The following TNFSF8 variants were observed in gnomAD, a reference collection of about 807,000 sequenced individuals.
TNFSF8 encodes the protein tumor necrosis factor ligand superfamily member 8.
A neutral mutation model predicts 22.0 loss-of-function variants in TNFSF8; 4 were observed. The observed-to-expected ratio is 0.18, with a 90% CI of 0.09 to 0.42. The LOEUF is 0.42. Among genes scored for constraint, TNFSF8 ranks in the 10% least tolerant of loss-of-function variants. The probability of loss-of-function intolerance (pLI) is 1.00; values close to 1 mark genes in which losing one functional copy is unlikely to be tolerated. For synonymous variants in TNFSF8, 106 were observed against 112.5 expected (o/e 0.94, Z 0.37); for missense variants, 233 against 281.8 (o/e 0.83, Z 1.24).
At chr9:114,916,168 A>G (rs1044934991) in intron 2 of TNFSF8, among the ~76,000 whole-genome samples, 14 of 152,230 alleles carry the variant, frequency 9.2e-5, no homozygotes, top group African/African-American at 3.4e-4. Context: ...TATCAACTTC[A>G]TGTTGTAAAA....
downstream of TNFSF8, among the ~76,000 whole-genome samples, chr9:114,896,623 AAAAAT>A (rs1564365435): frequency 1.3e-5 from 2 of 152,204 alleles, no homozygotes; most frequent in African/African-American, 4.8e-5. Context: ...TGTGTCAATC[AAAAAT>A]AAAATAAAAC....
Position 114,903,896 on chromosome 9 carries a change from G to C in TNFSF8, c.*35C>G. ...GAGGGATGAAATACTGTATGGTAGA[G>C]AGGCGCTTTCTTCCTGAAGGCCAAG... On this transcript the variant is annotated 3_prime_UTR_variant, in exon 4 of 4. Transcript: ENST00000223795. 6.4e-7 allele frequency: 1 copy of C among 1,574,442 alleles called. No homozygotes were observed. Among genetic ancestry groups the C allele is most frequent in the Non-Finnish European group, 8.6e-7 (1 of 1,162,274 alleles).
intron 2 of TNFSF8, among the ~76,000 whole-genome samples, chr9:114,910,610 G>C (rs1827840980): frequency 1.3e-5 from 2 of 152,192 alleles, no homozygotes; most frequent in African/African-American, 4.8e-5. Flanking sequence ...GAGGTGCTGG[G>C]AAAACAAGCA....
chr9:114,901,167 A>G lies in TNFSF8; in HGVS notation c.*2764T>C. ...GAGTTCCCAGTTAGATAAATTATTT[A>G]TTTTACTTGCATAGATATCATTTTA... On this transcript the variant is annotated 3_prime_UTR_variant, in exon 4 of 4. Coordinates refer to ENST00000223795, the MANE Select transcript of TNFSF8 (RefSeq NM_001244.4). 1.0e-6 allele frequency: 1 copy of G among 985,130 alleles called. No homozygotes were observed. Among genetic ancestry groups the G allele is most frequent in the Non-Finnish European group, 1.2e-6 (1 of 829,790 alleles). 61.0% of individuals were successfully genotyped at this position (985,130 alleles called of 1,614,324 possible).
intron 1 of TNFSF8, among the ~76,000 whole-genome samples, chr9:114,924,806 G>T (rs1336539154): frequency 1.3e-5 from 2 of 152,186 alleles, no homozygotes; most frequent in African/African-American, 2.4e-5. Context: ...CAAGAACTTG[G>T]TGTTTGGGCT....
intron 1 of TNFSF8, among the ~76,000 whole-genome samples, chr9:114,929,895 T>A (rs920334698): frequency 6.8e-6 from 1 of 147,592 alleles, no homozygotes; most frequent in Non-Finnish European, 1.5e-5. Context: ...ATATATATAA[T>A]ATATACTGTA....
chr9:114,901,208 T>C lies in TNFSF8; in HGVS notation c.*2723A>G. On this transcript the variant is annotated 3_prime_UTR_variant, in exon 4 of 4. Transcript: ENST00000223795. ...TATCATTTTACTCATGGAGTATCATTTGCTCATAACATTCCCAGGGGCTGG... is the reference window on the plus strand; with the variant it reads ...TATCATTTTACTCATGGAGTATCATCTGCTCATAACATTCCCAGGGGCTGG... 1.0e-6 allele frequency: 1 copy of C among 985,450 alleles called. No homozygotes were observed. The highest frequency in any genetic ancestry group is 4.7e-5 in the South Asian group (1 of 21,292). 61.0% of individuals were successfully genotyped at this position (985,450 alleles called of 1,614,324 possible).
Position 114,902,765 on chromosome 9 carries a change from G to A in TNFSF8, c.*1166C>T. The A allele has an allele frequency of 1.0e-6, 1 of 985,446 alleles. No individual in the cohort carries two copies. The highest frequency in any genetic ancestry group is 1.2e-6 in the Non-Finnish European group (1 of 829,920). 61.0% of individuals were successfully genotyped at this position (985,446 alleles called of 1,614,324 possible). On this transcript the variant is annotated 3_prime_UTR_variant, in exon 4 of 4. Coordinates refer to ENST00000223795, the MANE Select transcript of TNFSF8 (RefSeq NM_001244.4). Reference sequence around the variant, plus strand: ...CAGGGTCTGGTCTTCTGAGATGGAAGAGGTTTTGAAGCAATTCAAACCCAG... The same window carrying A: ...CAGGGTCTGGTCTTCTGAGATGGAAAAGGTTTTGAAGCAATTCAAACCCAG...
At chr9:114,920,530 T>C (rs1387766064) in intron 1 of TNFSF8, among the ~76,000 whole-genome samples, 1 of 152,214 alleles carries the variant, frequency 6.6e-6, no homozygotes, top group Non-Finnish European at 1.5e-5. Context: ...GAATTGCAGG[T>C]TGTGGCAAGA....
exon 5 of TNFSF8, chr9:114,893,937 G>C (rs1827630606): frequency 7.4e-6 from 5 of 676,132 alleles, no homozygotes; most frequent in Non-Finnish European, 1.3e-5. Context: ...AGATGATTCT[G>C]TTTGTGGGGG....
In TNFSF8 at chr9:114,903,865, T is replaced by C; in HGVS notation, c.*66A>G. 1.3e-6 allele frequency: 2 copies of C among 1,525,912 alleles called. No individual in the cohort carries two copies. Among genetic ancestry groups the C allele is most frequent in the South Asian group, 1.3e-5 (1 of 74,774 alleles). The allele number at this position is 1,525,912 out of a possible 1,614,324, so 94.5% of individuals were successfully genotyped here. ...GTCTAAAGTTTTCTTTTTGCCCAAG[T>C]GTTTGGAGGGATGAAATACTGTATG... is the stretch of plus-strand genomic sequence containing the variant. On this transcript the variant is annotated 3_prime_UTR_variant, in exon 4 of 4. Transcript: ENST00000223795.
chr9:114,905,865 T>A lies in TNFSF8; in HGVS notation c.273A>T (p.Lys91Asn), dbSNP rs762878174. The change falls in exon 3 of 4, where the codon AAA (lysine) becomes AAT (asparagine). Residue 91 changes from lysine (K) to asparagine (N), a missense_variant. Transcript: ENST00000223795. ...NCSEDLLCIL[K>N]RAPFKKSWAY... ...CCCATGACTTCTTGAATGGAGCCCT[T>A]TTCAGGATACATAAGAGGTCTTCTG... 6.2e-7 allele frequency: 1 copy of A among 1,612,738 alleles called. No homozygotes were observed.
In TNFSF8 at chr9:114,904,180, T is replaced by C; in HGVS notation, c.456A>G (p.Pro152=). The change falls in exon 4 of 4, where the codon CCA becomes CCG. Residue 152 remains proline, a synonymous_variant. Coordinates refer to ENST00000223795, the MANE Select transcript of TNFSF8 (RefSeq NM_001244.4). ...CCAACTTCAGATCGACAGAATTATTTGGGCATTGTACAAGAAACTGCAGTT... is the reference window on the plus strand; with the variant it reads ...CCAACTTCAGATCGACAGAATTATTCGGGCATTGTACAAGAAACTGCAGTT... ...ICQLQFLVQC[P]NNSVDLKLEL... is the part of the protein sequence containing the mutation. 6.2e-7 allele frequency: 1 copy of C among 1,614,126 alleles called. No homozygotes were observed. Among genetic ancestry groups the C allele is most frequent in the Middle Eastern group, 1.7e-4 (1 of 6,054 alleles).
intron 1 of TNFSF8, 132 bp downstream of exon 1, chr9:114,929,977 T>TAGAGAG (rs68180247): frequency 5.2e-4 from 169 of 324,416 alleles, no homozygotes; most frequent in Middle Eastern, 1.8e-3. Context: ...TATATATATA[T>TAGAGAG]AGAGAGAGAG....
At chr9:114,920,396 G>A (rs1476494537) in intron 1 of TNFSF8, among the ~76,000 whole-genome samples, 2 of 152,210 alleles carry the variant, frequency 1.3e-5, no homozygotes, top group Non-Finnish European at 2.9e-5. Context: ...CATTCATGCA[G>A]CACACCTTGA....
Position 114,912,636 on chromosome 9 carries a change from G to A in TNFSF8, c.238+5460C>T, listed in dbSNP as rs115544161. On this transcript the variant is annotated intron_variant, in intron 2 of 3. Transcript: ENST00000223795. ...GATCTCTTGACCTTGTGATCCACCCGCCTCAGCCTCCCAAAGTGCACGTTG... is the reference window on the plus strand; with the variant it reads ...GATCTCTTGACCTTGTGATCCACCCACCTCAGCCTCCCAAAGTGCACGTTG... Among the ~76,000 whole-genome samples, 325 of 152,310 alleles carry A rather than the reference G, an allele frequency of 2.1e-3. 1 individual carries two copies. The highest frequency in any genetic ancestry group is 7.3e-3 in the African/African-American group (305 of 41,572).
intron 1 of TNFSF8, among the ~76,000 whole-genome samples, chr9:114,918,563 C>T (rs1172757458): frequency 2.0e-5 from 3 of 152,036 alleles, no homozygotes; most frequent in Non-Finnish European, 2.9e-5. Context: ...GATCCTCTTG[C>T]CTCAGCTTCC....
downstream of TNFSF8, among the ~76,000 whole-genome samples, chr9:114,900,457 CA>C (rs758091104): frequency 1.5e-4 from 23 of 152,198 alleles, no homozygotes; most frequent in Non-Finnish European, 2.5e-4. Context: ...AGCCCAGTCT[CA>C]TATTCCAATC....
At position 114,903,894 on chromosome 9, in the gene TNFSF8, G is replaced by T; in HGVS notation, c.*37C>A. On this transcript the variant is annotated 3_prime_UTR_variant, in exon 4 of 4. Coordinates refer to ENST00000223795, the MANE Select transcript of TNFSF8 (RefSeq NM_001244.4). ...TGGAGGGATGAAATACTGTATGGTA[G>T]AGAGGCGCTTTCTTCCTGAAGGCCA... 1 of 1,572,990 alleles carries T rather than the reference G, an allele frequency of 6.4e-7. No individual in the cohort carries two copies. Among genetic ancestry groups the T allele is most frequent in the South Asian group, 1.2e-5 (1 of 82,520 alleles).
Sources: gnomAD v4.1 joint callset for allele counts (sites outside exome capture counted in the v4.1 genomes callset) on GRCh38, gnomAD v4.1.1 for gene constraint, MANE v1.5 for transcripts, NCBI Gene and HGNC (gene_info 2026-07-23, HGNC 2026-07-21) for gene names.